MAP1LC3A: variants seen among roughly 807,000 people sequenced by gnomAD.
The protein encoded by MAP1LC3A is microtubule-associated protein 1 light chain 3 alpha.
MAP1LC3A carries 10 observed loss-of-function variants against 15.2 expected under a neutral mutation model. That is an observed-to-expected ratio of 0.66 (90% CI 0.41 to 1.12). The LOEUF (loss-of-function observed/expected upper bound fraction) is 1.12. MAP1LC3A is among the 50% of genes most tolerant of loss of function. The pLI is 0.00. For synonymous variants in MAP1LC3A, 63 were observed against 64.3 expected, an observed-to-expected ratio of 0.98 and a Z score of 0.10; for missense variants, 138 against 167.3, an observed-to-expected ratio of 0.82 and a Z score of 0.97.
At chr20:34,550,459 T>C (rs942873380) in intron 2 of MAP1LC3A, among the ~76,000 whole-genome samples, 1 of 152,208 alleles carries the variant, frequency 6.6e-6, no homozygotes, top group African/African-American at 2.4e-5. Flanking sequence ...GCACCCACCA[T>C]GTGCCACACT....
intron 2 of MAP1LC3A, among the ~76,000 whole-genome samples, chr20:34,552,349 C>A (rs548452747): frequency 1.3e-5 from 2 of 152,260 alleles, no homozygotes; most frequent in African/African-American, 4.8e-5. Flanking sequence ...GGACCACTAC[C>A]ATTATTTCAA....
intron 2 of MAP1LC3A, among the ~76,000 whole-genome samples, chr20:34,550,465 A>T (rs1346669204): frequency 1.3e-5 from 2 of 152,230 alleles, no homozygotes; most frequent in Non-Finnish European, 2.9e-5. Flanking sequence ...ACCATGTGCC[A>T]CACTCTAAGT....
chr20:34,558,566 G>A, upstream of MAP1LC3A: 1 of 1,175,268 alleles, frequency 8.5e-7, no homozygotes, highest in Non-Finnish European at 1.1e-6. This position sits in a 1 kb window ranked among gnomAD's most constrained non-coding sequence, Gnocchi z 4.3. Context: ...GGACTGTGAC[G>A]CGCCCAGAAG....
At chr20:34,558,501 C>G, upstream of MAP1LC3A, 2 of 1,048,024 alleles carry the variant, frequency 1.9e-6, no homozygotes, top group Admixed American at 5.6e-5. This position sits in a 1 kb window ranked among gnomAD's most constrained non-coding sequence, Gnocchi z 4.3. Flanking sequence ...GCCCTCCGGG[C>G]CTTACCTTGA....
intron 1 of MAP1LC3A, among the ~76,000 whole-genome samples, chr20:34,549,735 G>A (rs1482800150): frequency 6.6e-6 from 1 of 152,168 alleles, no homozygotes; most frequent in Non-Finnish European, 1.5e-5. Context: ...GGCCAGAGGT[G>A]GTAACTTCCA....
chr20:34,554,563 G>A (rs374377234), upstream of MAP1LC3A, among the ~76,000 whole-genome samples: 5 of 151,550 alleles, frequency 3.3e-5, no homozygotes, highest in African/African-American at 7.3e-5. Flanking sequence ...TAGTAGAGAC[G>A]GGGTTTCACC....
rs1025551382 is a variant in MAP1LC3A, at chr20:34,560,219, C to T, written c.*321C>T. 8 of 291,856 alleles carry T rather than the reference C, an allele frequency of 2.7e-5. No homozygotes were observed. Among genetic ancestry groups the T allele is most frequent in the Non-Finnish European group, 5.2e-5 (8 of 153,624 alleles). 18.1% of individuals were successfully genotyped at this position (291,856 alleles called of 1,614,324 possible). A position where few individuals can be genotyped will look rare whatever the true frequency, so the allele number is the denominator to read the frequency against. On this transcript the variant is annotated 3_prime_UTR_variant, in exon 4 of 4. Coordinates refer to ENST00000360668, the MANE Select transcript of MAP1LC3A (RefSeq NM_032514.4). ...GCCCCTCACCCACCCGAGGCTCTGC[C>T]CACCGCCTGGACCTGCCCACCCCTG...
chr20:34,560,244 G>T lies in MAP1LC3A; in HGVS notation c.*346G>T. 3.9e-6 allele frequency: 1 copy of T among 253,690 alleles called. No homozygotes were observed. Among genetic ancestry groups the T allele is most frequent in the Non-Finnish European group, 7.7e-6 (1 of 130,596 alleles). 15.7% of individuals were successfully genotyped at this position (253,690 alleles called of 1,614,324 possible). ...CCACCGCCTGGACCTGCCCACCCCT[G>T]AAAGACTGGCCCCTGGCTCCCCGCC... On this transcript the variant is annotated 3_prime_UTR_variant, in exon 4 of 4. Coordinates refer to ENST00000360668, the MANE Select transcript of MAP1LC3A (RefSeq NM_032514.4).
chr20:34,551,338 G>T (rs575957907), intron 2 of MAP1LC3A, among the ~76,000 whole-genome samples: 2 of 151,986 alleles, frequency 1.3e-5, no homozygotes, highest in Non-Finnish European at 2.9e-5. Flanking sequence ...AATACATGCC[G>T]TATGATTCCA....
At chr20:34,553,042 A>G (rs1982005403) in intron 2 of MAP1LC3A, among the ~76,000 whole-genome samples, 1 of 152,114 alleles carries the variant, frequency 6.6e-6, no homozygotes, top group Non-Finnish European at 1.5e-5. Context: ...TACAAAAATT[A>G]GCTGGGCATG....
upstream of MAP1LC3A, chr20:34,558,581 G>C (rs573327467): frequency 1.7e-4 from 204 of 1,192,710 alleles, no homozygotes; most frequent in Non-Finnish European, 2.1e-4. The surrounding 1 kb of genome is among the most constrained non-coding windows in gnomAD (Gnocchi z 4.3). Flanking sequence ...CAGAAGCCCC[G>C]CCCCTCGCGT....
chr20:34,552,708 A>T (rs1981992551), intron 2 of MAP1LC3A, among the ~76,000 whole-genome samples: 1 of 152,224 alleles, frequency 6.6e-6, no homozygotes, highest in African/African-American at 2.4e-5. Flanking sequence ...AAAACCAGCA[A>T]GGAGACAATA....
In MAP1LC3A at chr20:34,559,723, C is replaced by CCGCCGGCTGCAGG; in HGVS notation, c.204-7_209dup. On this transcript the variant is annotated splice_polypyrimidine_tract_variant and intron_variant, in intron 3 of 3. Coordinates refer to ENST00000360668, the MANE Select transcript of MAP1LC3A (RefSeq NM_032514.4). ...AAGCCCCTCACAGCTGCATACTCTCCCGCCGGCTGCAGGCGCCGCCTGCAG... is the reference window on the plus strand; with the variant it reads ...AAGCCCCTCACAGCTGCATACTCTCCCGCCGGCTGCAGGCGCCGGCTGCAGGCGCCGCCTGCAG... 6.3e-7 allele frequency: 1 copy of CCGCCGGCTGCAGG among 1,595,224 alleles called. No individual in the cohort carries two copies. The highest frequency in any genetic ancestry group is 8.5e-7 in the Non-Finnish European group (1 of 1,174,048).
At chr20:34,553,161 A>G (rs1482932333) in intron 2 of MAP1LC3A, among the ~76,000 whole-genome samples, 1 of 152,112 alleles carries the variant, frequency 6.6e-6, no homozygotes, top group African/African-American at 2.4e-5. Context: ...TGCACTCCCT[A>G]CCTAGGTGAC....
chr20:34,549,062 A>C (rs570507803), intron 1 of MAP1LC3A, among the ~76,000 whole-genome samples: 1 of 146,116 alleles, frequency 6.8e-6, no homozygotes, highest in East Asian at 2.1e-4. Context: ...GATAGTCTCT[A>C]TCACCCAGGC....
intron 2 of MAP1LC3A, among the ~76,000 whole-genome samples, chr20:34,552,157 C>A (rs1032419649): frequency 3.3e-5 from 5 of 152,178 alleles, no homozygotes; most frequent in African/African-American, 1.2e-4. Flanking sequence ...ACTGCCACAC[C>A]CAGCTAATTT....
intron 3 of MAP1LC3A, 122 bp from the exon 4 acceptor site, chr20:34,559,614 G>C: frequency 7.8e-7 from 1 of 1,281,224 alleles, no homozygotes; most frequent in Non-Finnish European, 1.1e-6. Context: ...GTCGGTGTTG[G>C]GTCAGAGGTG....
intron 1 of MAP1LC3A, among the ~76,000 whole-genome samples, chr20:34,547,569 T>C (rs1209574345): frequency 6.6e-6 from 1 of 151,928 alleles, no homozygotes; most frequent in East Asian, 1.9e-4. Flanking sequence ...GATTGAATCA[T>C]GGGGGCGGTT....
rs1982265685 is a variant in MAP1LC3A at position 34,558,771 on chromosome 20, C to T, written c.-98C>T. Reference sequence around the variant, plus strand: ...GCCGTGCTCAGCGCGAGCCCCGGAGCCCTTGAGCGCGAGGCGCGGAGCCCC... The same window carrying T: ...GCCGTGCTCAGCGCGAGCCCCGGAGTCCTTGAGCGCGAGGCGCGGAGCCCC... On this transcript the variant is annotated 5_prime_UTR_variant, in exon 1 of 4. Coordinates refer to ENST00000360668, the MANE Select transcript of MAP1LC3A (RefSeq NM_032514.4). The surrounding 1 kb of genome is among the most constrained non-coding windows in gnomAD (Gnocchi z 4.3). 2.2e-6 allele frequency: 3 copies of T among 1,346,304 alleles called. No homozygotes were observed. Among genetic ancestry groups the T allele is most frequent in the Non-Finnish European group, 2.8e-6 (3 of 1,057,730 alleles). The allele number at this position is 1,346,304 out of a possible 1,614,324, so 83.4% of individuals were successfully genotyped here. A position where few individuals can be genotyped will look rare whatever the true frequency, so the allele number is the denominator to read the frequency against.
Sources: allele counts gnomAD v4.1 joint callset (sites outside exome capture counted in the v4.1 genomes callset), GRCh38; gene constraint gnomAD v4.1.1; non-coding constraint Gnocchi (gnomAD v3.1); transcripts MANE v1.5; gene names NCBI Gene and HGNC (gene_info 2026-07-23, HGNC 2026-07-21).